The following KIF14 variants were observed in gnomAD, a reference collection of about 807,000 sequenced individuals.
KIF14 encodes the protein kinesin family member 14.
In KIF14, 98 loss-of-function variants were observed where a neutral mutation model predicts 176.2. The ratio of observed to expected loss-of-function variants is 0.56; its 90% CI spans 0.47 to 0.66. The LOEUF (loss-of-function observed/expected upper bound fraction) is 0.66. Among genes scored for constraint, KIF14 ranks in the 30% least tolerant of loss-of-function variants. The pLI is 0.00. For missense variants in KIF14, 1,751 were observed against 1,920.4 expected (o/e 0.91, Z 1.65); for synonymous variants, 566 against 632.2 (o/e 0.90, Z 1.57).
At chr1:200,575,171 TG>T in intron 22 of KIF14, among the ~76,000 whole-genome samples, 1 of 152,186 alleles carries the variant, frequency 6.6e-6, no homozygotes, top group Middle Eastern at 3.4e-3. Flanking sequence ...TTAGCCAGGA[TG>T]GTCTCGATCT....
chr1:200,560,142 C>T (rs1000889827), intron 26 of KIF14, among the ~76,000 whole-genome samples: 3 of 152,154 alleles, frequency 2.0e-5, no homozygotes, highest in African/African-American at 2.4e-5. Flanking sequence ...GGTATTACAA[C>T]GTTTTTTCAT....
At chr1:200,571,172 G>A (rs1657763007) in intron 22 of KIF14, among the ~76,000 whole-genome samples, 2 of 151,838 alleles carry the variant, frequency 1.3e-5, no homozygotes, top group African/African-American at 2.4e-5. Context: ...ATTTCTAGCC[G>A]GGCGTGGTGG....
intron 5 of KIF14, among the ~76,000 whole-genome samples, chr1:200,608,219 T>C (rs1339858907): frequency 1.3e-5 from 2 of 152,172 alleles, no homozygotes; most frequent in Admixed American, 6.5e-5. Context: ...TTATAGACTA[T>C]TAGGGATCTG....
chr1:200,575,706 A>G lies in KIF14; in HGVS notation c.3466-15T>C, dbSNP rs370109837. 7.2e-7 allele frequency: 1 copy of G among 1,386,042 alleles called. No individual in the cohort carries two copies. The highest frequency in any genetic ancestry group is 9.8e-7 in the Non-Finnish European group (1 of 1,024,416). 85.9% of individuals were successfully genotyped at this position (1,386,042 alleles called of 1,614,324 possible). A position where few individuals can be genotyped will look rare whatever the true frequency, so the allele number is the denominator to read the frequency against. On this transcript the variant is annotated splice_polypyrimidine_tract_variant and intron_variant, in intron 21 of 29. Coordinates refer to ENST00000367350, the MANE Select transcript of KIF14 (RefSeq NM_014875.3). ...CTACCATTACTCTAAGAAAAATATA[A>G]TATATAGTTTCAGTAAATTTGGGGT...
At chr1:200,601,809 T>C in intron 11 of KIF14, 87 bp downstream of exon 11, 1 of 1,016,474 alleles carries the variant, frequency 9.8e-7, no homozygotes, top group Non-Finnish European at 1.5e-6. Context: ...ACCTTTGATG[T>C]TCATAAATTA....
Position 200,615,410 on chromosome 1 carries a change from C to G in KIF14, c.1312G>C (p.Gly438Arg), listed in dbSNP as rs1327105713. ...TAAGCAAAAAGACAGGTATTGAAGC[C>G]TTCGAAGGCTCTTTCTAGGAGTGGT... is the stretch of plus-strand genomic sequence containing the variant. ...AAPLLERAFE[G>R]FNTCLFAYGQ... The change falls in exon 3 of 30, where the codon GGC becomes CGC. Residue 438 changes from glycine (G) to arginine (R), a missense_variant. Transcript: ENST00000367350. 1 of 1,614,114 alleles carries G rather than the reference C, an allele frequency of 6.2e-7. No homozygotes were observed. Among genetic ancestry groups the G allele is most frequent in the South Asian group, 1.1e-5 (1 of 91,076 alleles).
chr1:200,607,292 A>G lies in KIF14; in HGVS notation c.1555-494T>C, dbSNP rs60365104. Among the ~76,000 whole-genome samples the G allele has an allele frequency of 8.8e-4, 134 of 152,020 alleles. 3 individuals carry two copies. The East Asian group carries it at 0.024, about 27-fold the overall frequency. ...GTAGCTGAGATTACAAGACAGTGCC[A>G]CCACACCAGCTAACTTTTGTATTTT... On this transcript the variant is annotated intron_variant, in intron 5 of 29. Transcript: ENST00000367350.
At chr1:200,610,718 T>C (rs772287747) in intron 4 of KIF14, among the ~76,000 whole-genome samples, 4 of 151,976 alleles carry the variant, frequency 2.6e-5, no homozygotes, top group Non-Finnish European at 5.9e-5. Context: ...ACATATAACA[T>C]ACCTTCCAAT....
intron 28 of KIF14, 75 bp downstream of exon 28, chr1:200,555,304 TA>T: frequency 3.2e-6 from 3 of 934,498 alleles, no homozygotes; most frequent in Non-Finnish European, 5.0e-6. Context: ...AACACTGAAA[TA>T]AAAATATCTA....
chr1:200,578,652 A>G (rs139558863), intron 21 of KIF14, among the ~76,000 whole-genome samples: 2 of 152,258 alleles, frequency 1.3e-5, no homozygotes, highest in African/African-American at 4.8e-5. Flanking sequence ...ATGGATTCAA[A>G]TTTGCCAAAT....
At chr1:200,596,378 A>G (rs1659339359) in intron 14 of KIF14, among the ~76,000 whole-genome samples, 1 of 152,224 alleles carries the variant, frequency 6.6e-6, no homozygotes, top group African/African-American at 2.4e-5. Flanking sequence ...AAAAGAAGCA[A>G]TAAACTATTT....
intron 22 of KIF14, among the ~76,000 whole-genome samples, chr1:200,572,564 C>T (rs1242178103): frequency 6.6e-6 from 1 of 152,110 alleles, no homozygotes; most frequent in African/African-American, 2.4e-5. Context: ...AGGATGGTCT[C>T]AATCTCCTGA....
intron 6 of KIF14, among the ~76,000 whole-genome samples, chr1:200,606,528 G>A (rs977928710): frequency 3.3e-5 from 5 of 152,158 alleles, no homozygotes; most frequent in Non-Finnish European, 7.4e-5. Context: ...CAGGTACTAT[G>A]AAAGACACAT....
chr1:200,553,531 T>C lies in KIF14; in HGVS notation c.4804A>G (p.Lys1602Glu). 1 of 1,614,074 alleles carries C rather than the reference T, an allele frequency of 6.2e-7. No individual in the cohort carries two copies. Among genetic ancestry groups the C allele is most frequent in the Non-Finnish European group, 8.5e-7 (1 of 1,180,022 alleles). Reference sequence around the variant, plus strand: ...GATTTAGATTGTTGGTGTTCTTCTTTGGTATTTTGATTATAAGTTTCCCAG... The same window carrying C: ...GATTTAGATTGTTGGTGTTCTTCTTCGGTATTTTGATTATAAGTTTCCCAG... ...KPWETYNQNT[K>E]EEHQQSKSSG... is the part of the protein sequence containing the mutation. Residue 1602 changes from lysine (K) to glutamate (E), a missense_variant, in exon 30 of 30, where the codon AAA (lysine) becomes GAA (glutamate). Transcript: ENST00000367350.
rs768964035 is a variant in KIF14, at chr1:200,615,348, A to T, written c.1367+7T>A. 1.2e-6 allele frequency: 2 copies of T among 1,606,932 alleles called. No individual in the cohort carries two copies. The highest frequency in any genetic ancestry group is 1.7e-6 in the Non-Finnish European group (2 of 1,176,582). ...TTCTGGATAATTGCATTTCCAATACAACTTACGTATATGATTTTCCAGAGC... is the reference window on the plus strand; with the variant it reads ...TTCTGGATAATTGCATTTCCAATACTACTTACGTATATGATTTTCCAGAGC... On this transcript the variant is annotated splice_region_variant and intron_variant, in intron 3 of 29. Coordinates refer to ENST00000367350, the MANE Select transcript of KIF14 (RefSeq NM_014875.3).
At chr1:200,595,474 G>A (rs371802259) in intron 14 of KIF14, among the ~76,000 whole-genome samples, 79 of 152,270 alleles carry the variant, frequency 5.2e-4, no homozygotes, top group African/African-American at 1.8e-3. Flanking sequence ...AAAAATGGAA[G>A]TAGAGAGTTA....
At chr1:200,555,795 T>C (rs891152552) in intron 27 of KIF14, among the ~76,000 whole-genome samples, 12 of 152,156 alleles carry the variant, frequency 7.9e-5, no homozygotes, top group African/African-American at 2.9e-4. Context: ...AGTCTGTATT[T>C]TCTATTTACC....
chr1:200,590,390 T>C, intron 16 of KIF14, 118 bp from the exon 17 acceptor site: 2 of 874,196 alleles, frequency 2.3e-6, no homozygotes, highest in Non-Finnish European at 3.3e-6. Context: ...TAAAACTTGA[T>C]TTCTGACATT....
intron 17 of KIF14, 41 bp from the exon 18 acceptor site, chr1:200,589,410 G>A (rs80059199): frequency 0.03 from 45,616 of 1,525,166 alleles, 802 homozygotes; most frequent in Middle Eastern, 0.056. Flanking sequence ...GGCAAAAACC[G>A]TAGCAAAAAA....
Sources: gnomAD v4.1 joint callset for allele counts (sites outside exome capture counted in the v4.1 genomes callset) on GRCh38, gnomAD v4.1.1 for gene constraint, MANE v1.5 for transcripts, NCBI Gene and HGNC (gene_info 2026-07-23, HGNC 2026-07-21) for gene names.